The following TNC variants were observed in gnomAD, a reference collection of about 807,000 sequenced individuals.
TNC encodes tenascin.
Under a neutral mutation model 202.4 loss-of-function variants are expected in TNC, and 109 were observed. The ratio of observed to expected loss-of-function variants is 0.54; its 90% CI spans 0.46 to 0.63. The LOEUF (loss-of-function observed/expected upper bound fraction) is 0.63. Among genes scored for constraint, TNC ranks in the 30% least tolerant of loss-of-function variants. The pLI is 0.00. For synonymous variants in TNC, 1,007 were observed against 1,089.7 expected, an observed-to-expected ratio of 0.92 and a Z score of 1.50; for missense variants, 2,756 against 2,833.3, an observed-to-expected ratio of 0.97 and a Z score of 0.62.
At chr9:115,076,700 A>G (rs1177360453) in intron 7 of TNC, 125 bp from the exon 8 acceptor site, 3 of 1,079,774 alleles carry the variant, frequency 2.8e-6, no homozygotes, top group Admixed American at 2.2e-5. Flanking sequence ...TTCTCAGCAC[A>G]CTCATCTGTC....
intron 1 of TNC, among the ~76,000 whole-genome samples, chr9:115,107,494 C>T (rs2134210431): frequency 6.6e-6 from 1 of 152,318 alleles, no homozygotes; most frequent in South Asian, 2.1e-4. Flanking sequence ...CTATTATATA[C>T]ATTTTTATGC....
rs1398767466 is a variant in TNC at position 115,086,961 on chromosome 9, C to A, written c.770G>T (p.Ser257Ile). Residue 257 changes from serine to isoleucine, a missense_variant, in exon 3 of 28, where the codon AGT (serine) becomes ATT (isoleucine). Coordinates refer to ENST00000350763, the MANE Select transcript of TNC (RefSeq NM_002160.4). ...CSREICPVPCSEEHGTCVDGL... is the reference protein window; with the variant it reads ...CSREICPVPCIEEHGTCVDGL... The stretch of plus-strand genomic sequence containing the variant: ...ATCTACACATGTGCCGTGCTCCTCA[C>A]TGCAGGGCACTGGGCAGATTTCACG... The A allele has an allele frequency of 6.2e-7, 1 of 1,614,112 alleles. No homozygotes were observed. Among genetic ancestry groups the A allele is most frequent in the African/African-American group, 1.3e-5 (1 of 74,946 alleles).
chr9:115,057,121 A>C, intron 15 of TNC, 32 bp downstream of exon 15: 2 of 1,582,890 alleles, frequency 1.3e-6, no homozygotes, highest in Admixed American at 3.4e-5. Flanking sequence ...CTGTGGAGAG[A>C]GTGCGTTAGA....
At chr9:115,106,765 A>G (rs1836649145) in intron 1 of TNC, among the ~76,000 whole-genome samples, 1 of 152,192 alleles carries the variant, frequency 6.6e-6, no homozygotes, top group Non-Finnish European at 1.5e-5. Flanking sequence ...GTTTCCAAGA[A>G]ATCAGTCAAG....
chr9:115,064,926 A>G lies in TNC; in HGVS notation c.3215-7T>C. 1 of 1,610,254 alleles carries G rather than the reference A, an allele frequency of 6.2e-7. No individual in the cohort carries two copies. Reference sequence around the variant, plus strand: ...TCCAGCTCAGGGGCTTGTTCTGAATAATGACAGAGATGGGGTCAGTTAAAC... The same window carrying G: ...TCCAGCTCAGGGGCTTGTTCTGAATGATGACAGAGATGGGGTCAGTTAAAC... On this transcript the variant is annotated splice_region_variant and splice_polypyrimidine_tract_variant and intron_variant, in intron 10 of 27. Coordinates refer to ENST00000350763, the MANE Select transcript of TNC (RefSeq NM_002160.4).
chr9:115,063,808 C>T lies in TNC; in HGVS notation c.3748G>A (p.Glu1250Lys), dbSNP rs1832730340. ...QDFSTTPLSV[E>K]VLTEEVPDMG... The stretch of plus-strand genomic sequence containing the variant: ...TCGTCTAGAATACCTGTCAAGACTT[C>T]AACAGAGAGAGGGGTTGTGCTGAAG... Residue 1250 changes from glutamate to lysine, a missense_variant, in exon 12 of 28, where the codon GAA becomes AAA. This residue lies in a region of TNC where 2,559 missense variants were observed against 2,546.0 expected (regional missense o/e 1.01). Transcript: ENST00000350763. 6.2e-7 allele frequency: 1 copy of T among 1,612,224 alleles called. No individual in the cohort carries two copies. Among genetic ancestry groups the T allele is most frequent in the Admixed American group, 1.7e-5 (1 of 59,962 alleles).
intron 18 of TNC, 147 bp downstream of exon 18, chr9:115,042,072 G>A: frequency 7.8e-7 from 1 of 1,279,284 alleles, no homozygotes; most frequent in Non-Finnish European, 1.1e-6. Flanking sequence ...TTACAAATGA[G>A]TTCTCTTCTC....
Position 115,077,927 on chromosome 9 carries a change from G to T in TNC, c.2674+16C>A. 6.2e-7 allele frequency: 1 copy of T among 1,611,186 alleles called. No homozygotes were observed. Among genetic ancestry groups the T allele is most frequent in the South Asian group, 1.1e-5 (1 of 90,918 alleles). On this transcript the variant is annotated intron_variant, in intron 7 of 27. Coordinates refer to ENST00000350763, the MANE Select transcript of TNC (RefSeq NM_002160.4). ...CTTTCCTTTACTATATCTGTTAACA[G>T]GGGGAGGCCTTTTACCTGTTGTGAA...
At chr9:115,098,936 G>GTTTTTTTTTTTTT (rs1227896909) in intron 1 of TNC, among the ~76,000 whole-genome samples, 1 of 40,942 alleles carries the variant, frequency 2.4e-5, no homozygotes, top group African/African-American at 8.5e-5. Flanking sequence ...CCTTAAGTGT[G>GTTTTTTTTTTTTT]TATTTTTTTT....
At chr9:115,069,155 G>T (rs1386032709) in intron 10 of TNC, among the ~76,000 whole-genome samples, 1 of 152,182 alleles carries the variant, frequency 6.6e-6, no homozygotes, top group African/African-American at 2.4e-5. Context: ...GCAAATAAGA[G>T]CAGAATGTTC....
intron 15 of TNC, among the ~76,000 whole-genome samples, chr9:115,051,661 T>C (rs1831679088): frequency 6.6e-6 from 1 of 152,024 alleles, no homozygotes; most frequent in East Asian, 1.9e-4. Flanking sequence ...TTAAGAATAA[T>C]TATTTTTTAA....
chr9:115,064,457 C>A (rs1379646435), intron 11 of TNC, among the ~76,000 whole-genome samples, 190 bp downstream of exon 11: 1 of 152,112 alleles, frequency 6.6e-6, no homozygotes, highest in Non-Finnish European at 1.5e-5. Context: ...CCAAGGGTGT[C>A]ATTCATGTGG....
intron 17 of TNC, among the ~76,000 whole-genome samples, chr9:115,044,356 TCTC>T (rs1422336335): frequency 6.7e-6 from 1 of 149,702 alleles, no homozygotes; most frequent in Non-Finnish European, 1.5e-5. Context: ...TTTCCTGTCT[TCTC>T]CTGGTCCTGG....
rs1429917143 is a variant in TNC, at chr9:115,082,791, T to C, written c.2148A>G (p.Glu716=). Residue 716 remains glutamate, a synonymous_variant, in exon 5 of 28, where the codon GAA becomes GAG. Coordinates refer to ENST00000350763, the MANE Select transcript of TNC (RefSeq NM_002160.4). ...CCTTGATGGACTTGAATTTCAGGCC[T>C]TCAGGTGCAGGTAAGTCTGTAAGTA... ...ARVATYLPAP[E]GLKFKSIKET... 12 of 1,613,622 alleles carry C rather than the reference T, an allele frequency of 7.4e-6. No individual in the cohort carries two copies. The African/African-American group carries it at 1.6e-4, about 22-fold the overall frequency.
intron 17 of TNC, among the ~76,000 whole-genome samples, chr9:115,043,363 C>A (rs1464832687): frequency 2.6e-5 from 4 of 152,156 alleles, no homozygotes; most frequent in African/African-American, 4.8e-5. Flanking sequence ...CCCCCAGACT[C>A]TGTGGCTGCC....
intron 9 of TNC, among the ~76,000 whole-genome samples, chr9:115,075,517 T>C (rs1833778430): frequency 6.6e-6 from 1 of 152,202 alleles, no homozygotes; most frequent in African/African-American, 2.4e-5. Context: ...CTGGACATAG[T>C]GACTCACACC....
At chr9:115,087,355 A>C in intron 2 of TNC, 82 bp from the exon 3 acceptor site, 1 of 1,436,298 alleles carries the variant, frequency 7.0e-7, no homozygotes, top group Non-Finnish European at 9.5e-7. Context: ...CCAGATTCAA[A>C]TTCAGCTGAA....
chr9:115,094,377 A>G (rs1305767181), intron 1 of TNC, among the ~76,000 whole-genome samples: 1 of 152,208 alleles, frequency 6.6e-6, no homozygotes, highest in Non-Finnish European at 1.5e-5. Flanking sequence ...TACTAGAACT[A>G]GAAATATTTA....
At chr9:115,063,336 A>G (rs1260332583) in intron 12 of TNC, 147 bp from the exon 13 acceptor site, 2 of 837,490 alleles carry the variant, frequency 2.4e-6, no homozygotes, top group African/African-American at 3.4e-5. Flanking sequence ...TGTTGAGCAC[A>G]CTCAAACTGT....
Sources: allele counts gnomAD v4.1 joint callset (sites outside exome capture counted in the v4.1 genomes callset), GRCh38; gene constraint gnomAD v4.1.1; regional missense constraint gnomAD v4.1.1; transcripts MANE v1.5; gene names NCBI Gene and HGNC (gene_info 2026-07-23, HGNC 2026-07-21).